Variants in GRIP2 observed in about 807,000 individuals in gnomAD.
The protein encoded by GRIP2 is glutamate receptor-interacting protein 2.
Under a neutral mutation model 108.3 loss-of-function variants are expected in GRIP2, and 58 were observed. That is an observed-to-expected ratio of 0.54 (90% CI 0.43 to 0.67). GRIP2 has a LOEUF of 0.67. Among genes scored for constraint, GRIP2 ranks in the 30% least tolerant of loss-of-function variants. The pLI is 0.00. For missense variants in GRIP2, 1,278 were observed against 1,430.6 expected (o/e 0.89, Z 1.72); for synonymous variants, 586 against 598.2 (o/e 0.98, Z 0.30).
intron 1 of GRIP2, among the ~76,000 whole-genome samples, chr3:14,539,679 G>A (rs1361112370): frequency 6.6e-6 from 1 of 152,154 alleles, no homozygotes; most frequent in Non-Finnish European, 1.5e-5. Flanking sequence ...TGGAACAATC[G>A]TGTCTGCCCC....
chr3:14,517,935 C>T (rs1014353298), intron 9 of GRIP2, 38 bp from the exon 10 acceptor site: 18 of 1,498,792 alleles, frequency 1.2e-5, no homozygotes, highest in South Asian at 9.6e-5. Context: ...GAGGTGCAGG[C>T]GTTAGTGGCT....
At chr3:14,578,436 G>A in the GRIP2 span, among the ~76,000 whole-genome samples, 5 of 152,308 alleles carry the variant, frequency 3.3e-5, no homozygotes, top group South Asian at 4.1e-4. Context: ...TTATGAAGGG[G>A]CTGGGCACCA....
rs183335960 is a variant in GRIP2 at position 14,498,122 on chromosome 3, G to A, written c.2680-1562C>T. On this transcript the variant is annotated intron_variant, in intron 21 of 23. Transcript: ENST00000621039. ...GTTCTATCTGACCATTTGGGGTGCG[G>A]GGGGTTGGTCTTTTAGGGATCCCCT... Among the ~76,000 whole-genome samples the A allele has an allele frequency of 1.0e-3, 155 of 152,288 alleles. 3 individuals carry two copies. In the Middle Eastern group the frequency reaches 0.01, roughly 10 times the overall value.
At chr3:14,557,652 C>T (rs143373429), upstream of GRIP2, among the ~76,000 whole-genome samples, 380 of 152,364 alleles carry the variant, frequency 2.5e-3, 2 homozygotes, top group African/African-American at 8.8e-3. Flanking sequence ...CTTCTCGAGA[C>T]CTGAGGACAG....
At chr3:14,568,115 G>A in the GRIP2 span, among the ~76,000 whole-genome samples, 7 of 152,344 alleles carry the variant, frequency 4.6e-5, no homozygotes, top group East Asian at 7.7e-4. Context: ...CAGGTTGGCT[G>A]CAGTGAGGAC....
rs1460625467 is a variant in GRIP2, at chr3:14,494,939, T to C, written c.2874A>G (p.Ser958=). The part of the protein sequence containing the change: ...PMRHDFGFSV[S]DGLLEKGVYV... ...AGACACCTTTTTCCAGGAGGCCATC[T>C]GAGACGCTGAAACCAAAGTCATGCC... The change falls in exon 23 of 24, where the codon TCA becomes TCG. Residue 958 remains serine (S), a synonymous_variant. Coordinates refer to ENST00000621039, the MANE Select transcript of GRIP2 (RefSeq NM_001080423.4). 11 of 1,613,868 alleles carry C rather than the reference T, an allele frequency of 6.8e-6. No individual in the cohort carries two copies. Among genetic ancestry groups the C allele is most frequent in the Non-Finnish European group, 8.5e-6 (10 of 1,179,876 alleles).
chr3:14,556,711 ATG>A, upstream of GRIP2, among the ~76,000 whole-genome samples: 1 of 152,194 alleles, frequency 6.6e-6, no homozygotes, highest in East Asian at 1.9e-4. Context: ...TTTGGGGACT[ATG>A]TGTGAGTGCT....
intron 11 of GRIP2, among the ~76,000 whole-genome samples, chr3:14,515,545 G>A (rs1337598968): frequency 6.6e-6 from 1 of 151,562 alleles, no homozygotes; most frequent in Non-Finnish European, 1.5e-5. Flanking sequence ...TTATATTATT[G>A]TGTCATATTA....
chr3:14,540,402 A>G (rs1575029603), upstream of GRIP2: 1 of 1,607,554 alleles, frequency 6.2e-7, no homozygotes, highest in Non-Finnish European at 8.5e-7. The surrounding 1 kb of genome is among the most constrained non-coding windows in gnomAD (Gnocchi z 4.1). Context: ...TGTGGGAGGG[A>G]AGCTCACAGC....
rs1187529304 is a variant in GRIP2, at chr3:14,491,541, G to A, written c.*2124C>T. ...AGAAGCCAGAAGAAATATTGCATAT[G>A]AGGAGGCCGGCATGGCTGGGAGGCC... On this transcript the variant is annotated 3_prime_UTR_variant, in exon 24 of 24. Coordinates refer to ENST00000621039, the MANE Select transcript of GRIP2 (RefSeq NM_001080423.4). The A allele has an allele frequency of 1.3e-5, 2 of 152,278 alleles. No individual in the cohort carries two copies. The highest frequency in any genetic ancestry group is 2.9e-5 in the Non-Finnish European group (2 of 68,080). The allele number at this position is 152,278 out of a possible 1,614,324, so 9.4% of individuals were successfully genotyped here.
At chr3:14,556,429 C>T (rs1173909612), upstream of GRIP2, among the ~76,000 whole-genome samples, 1 of 152,206 alleles carries the variant, frequency 6.6e-6, no homozygotes, top group Non-Finnish European at 1.5e-5. Context: ...AATGTTTGCT[C>T]CCTTCAGGGC....
chr3:14,585,513 C>T, the GRIP2 span, among the ~76,000 whole-genome samples: 1,370 of 152,242 alleles, frequency 9.0e-3, 14 homozygotes, highest in South Asian at 0.015. Context: ...CTTCTGGGAC[C>T]GAGGCAGCTG....
intron 21 of GRIP2, among the ~76,000 whole-genome samples, chr3:14,502,442 C>T (rs1054856034): frequency 2.0e-5 from 3 of 150,308 alleles, no homozygotes; most frequent in South Asian, 2.1e-4. Flanking sequence ...TGCAGTGAGC[C>T]GAGATTGCAC....
chr3:14,537,723 G>A (rs1694867107), intron 1 of GRIP2, among the ~76,000 whole-genome samples: 1 of 152,224 alleles, frequency 6.6e-6, no homozygotes, highest in African/African-American at 2.4e-5. Context: ...GGGTAGGCCT[G>A]GTGAGGGCCC....
upstream of GRIP2, among the ~76,000 whole-genome samples, chr3:14,559,047 G>T (rs1397812392): frequency 6.6e-6 from 1 of 152,194 alleles, no homozygotes; most frequent in African/African-American, 2.4e-5. Context: ...GTGTTTAATG[G>T]TGTGGGCTGT....
rs1484648684 is a variant in GRIP2 at position 14,505,394 on chromosome 3, C to G, written c.2573+221G>C. The stretch of plus-strand genomic sequence containing the variant: ...AAGGGCAAACCAGGCTGCTCTCCAC[C>G]TCTATACCTTCGTCCCTGCCGTGCC... On this transcript the variant is annotated intron_variant, in intron 20 of 23. Coordinates refer to ENST00000621039, the MANE Select transcript of GRIP2 (RefSeq NM_001080423.4). This position sits in a 1 kb window ranked among gnomAD's most constrained non-coding sequence, Gnocchi z 4.2. 1.3e-5 allele frequency among the ~76,000 whole-genome samples: 2 copies of G among 152,158 alleles called. No individual in the cohort carries two copies. Among genetic ancestry groups the G allele is most frequent in the Admixed American group, 6.5e-5 (1 of 15,280 alleles).
chr3:14,591,930 G>C, the GRIP2 span, among the ~76,000 whole-genome samples: 2 of 152,188 alleles, frequency 1.3e-5, no homozygotes, highest in Admixed American at 6.5e-5. Flanking sequence ...GCAGCCTCTC[G>C]GGCCTCTGTA....
upstream of GRIP2, chr3:14,540,364 GCCCTCCCTC>G: frequency 1.9e-6 from 3 of 1,611,436 alleles, no homozygotes; most frequent in Non-Finnish European, 1.7e-6. The surrounding 1 kb of genome is among the most constrained non-coding windows in gnomAD (Gnocchi z 4.1). Flanking sequence ...ACGCTGCTTG[GCCCTCCCTC>G]CCCTCCCCAG....
the GRIP2 span, among the ~76,000 whole-genome samples, chr3:14,577,691 C>T: frequency 6.6e-6 from 1 of 152,246 alleles, no homozygotes; most frequent in African/African-American, 2.4e-5. Context: ...CACTGACCAA[C>T]AGATAACACC....
Sources: allele counts gnomAD v4.1 joint callset (sites outside exome capture counted in the v4.1 genomes callset), GRCh38; gene constraint gnomAD v4.1.1; non-coding constraint Gnocchi (gnomAD v3.1); transcripts MANE v1.5; gene names NCBI Gene and HGNC (gene_info 2026-07-23, HGNC 2026-07-21).